Variants in TRAPPC12 observed in about 807,000 individuals in gnomAD.
The protein encoded by TRAPPC12 is trafficking protein particle complex subunit 12.
In TRAPPC12, 61 loss-of-function variants were observed where a neutral mutation model predicts 69.2. That is an observed-to-expected ratio of 0.88 (90% CI 0.72 to 1.09). The LOEUF is 1.09. Among genes scored for constraint, TRAPPC12 ranks in the 50% least tolerant of loss-of-function variants. TRAPPC12 has a pLI of 0.00. For missense variants in TRAPPC12, 1,101 were observed against 1,016.4 expected (o/e 1.08, Z -1.13); for synonymous variants, 469 against 438.9 (o/e 1.07, Z -0.86).
intron 1 of TRAPPC12, among the ~76,000 whole-genome samples, chr2:3,385,094 T>C (rs1046729863): frequency 1.3e-5 from 2 of 152,190 alleles, no homozygotes; most frequent in African/African-American, 4.8e-5. Context: ...ATAATTTATA[T>C]AGATGTAGCT....
At chr2:3,454,329 C>T (rs890688818) in intron 6 of TRAPPC12, among the ~76,000 whole-genome samples, 1 of 149,886 alleles carries the variant, frequency 6.7e-6, no homozygotes, top group Non-Finnish European at 1.5e-5. Flanking sequence ...GCCTTCCCAG[C>T]TGGGTAGGTG....
intron 6 of TRAPPC12, among the ~76,000 whole-genome samples, chr2:3,447,359 C>A (rs6758748): frequency 0.64 from 96,905 of 152,074 alleles, 31,278 homozygotes; most frequent in African/African-American, 0.75. Context: ...TGGCCTCCCA[C>A]AGTACTGGGA....
At chr2:3,407,136 A>T (rs931119271) in intron 3 of TRAPPC12, among the ~76,000 whole-genome samples, 3 of 152,218 alleles carry the variant, frequency 2.0e-5, no homozygotes, top group Non-Finnish European at 4.4e-5. Context: ...AGGGAAATGG[A>T]TGTCACAGCC....
At chr2:3,382,499 A>G (rs1365166374) in intron 1 of TRAPPC12, among the ~76,000 whole-genome samples, 1 of 152,218 alleles carries the variant, frequency 6.6e-6, no homozygotes, top group Non-Finnish European at 1.5e-5. Flanking sequence ...TCAGCATCAT[A>G]GCTTACACTG....
chr2:3,400,616 C>A (rs969280283), intron 2 of TRAPPC12, among the ~76,000 whole-genome samples: 1 of 152,214 alleles, frequency 6.6e-6, no homozygotes, highest in East Asian at 1.9e-4. Context: ...TCTCCTGCCG[C>A]CCGTGGAGAG....
intron 6 of TRAPPC12, 73 bp downstream of exon 6, chr2:3,443,964 G>T (rs923747837): frequency 1.7e-6 from 2 of 1,181,958 alleles, no homozygotes; most frequent in Non-Finnish European, 1.2e-6. Flanking sequence ...GGACATGCCC[G>T]TGCTGTTCCC....
At chr2:3,397,830 G>C (rs1332262628) in intron 2 of TRAPPC12, among the ~76,000 whole-genome samples, 2 of 152,144 alleles carry the variant, frequency 1.3e-5, no homozygotes, top group Admixed American at 6.5e-5. Context: ...AAGCATATTT[G>C]AGTACAGTCT....
At chr2:3,389,502 C>T (rs62120473) in intron 2 of TRAPPC12, among the ~76,000 whole-genome samples, 5 of 152,360 alleles carry the variant, frequency 3.3e-5, no homozygotes, top group African/African-American at 4.8e-5. Context: ...AACACCGTGG[C>T]GCCCGAAGAG....
chr2:3,436,977 A>C (rs1663835471), intron 5 of TRAPPC12, among the ~76,000 whole-genome samples: 1 of 62,158 alleles, frequency 1.6e-5, no homozygotes, highest in Non-Finnish European at 3.0e-5. Flanking sequence ...TCCCCCAATC[A>C]CCCCTGGATT....
chr2:3,399,178 A>G (rs893256749), intron 2 of TRAPPC12, among the ~76,000 whole-genome samples: 6 of 152,222 alleles, frequency 3.9e-5, no homozygotes, highest in African/African-American at 7.2e-5. Flanking sequence ...CTAAAATATT[A>G]ACTAACAGAG....
At chr2:3,452,254 A>G (rs1280335899) in intron 6 of TRAPPC12, among the ~76,000 whole-genome samples, 1 of 152,118 alleles carries the variant, frequency 6.6e-6, no homozygotes, top group Non-Finnish European at 1.5e-5. Flanking sequence ...TGCGTCTCAC[A>G]GCATAGCAGC....
chr2:3,445,258 G>A (rs1291055297), intron 6 of TRAPPC12, among the ~76,000 whole-genome samples: 1 of 152,156 alleles, frequency 6.6e-6, no homozygotes, highest in Admixed American at 6.5e-5. Flanking sequence ...AGGGGCTCAT[G>A]CCTGTAATCC....
rs1338767582 is a variant in TRAPPC12 at position 3,428,371 on chromosome 2, G to A, written c.1417+3708G>A. 2.0e-5 allele frequency among the ~76,000 whole-genome samples: 3 copies of A among 152,324 alleles called. No individual in the cohort carries two copies. In the East Asian group the frequency reaches 5.8e-4, roughly 29 times the overall value. ...TCTTCCCATTTTGTGGTGTAACAAA[G>A]CATAAATGTAAGATTTTGATTCATT... is the stretch of plus-strand genomic sequence containing the variant. On this transcript the variant is annotated intron_variant, in intron 5 of 11. Transcript: ENST00000324266.
At chr2:3,467,697 G>C (rs1039794619) in intron 9 of TRAPPC12, 1 of 152,262 alleles carries the variant, frequency 6.6e-6, no homozygotes, top group Admixed American at 6.5e-5. Flanking sequence ...GCACCGTTGT[G>C]ATCAGCAAGA....
chr2:3,457,277 G>C, intron 6 of TRAPPC12: 1 of 414,628 alleles, frequency 2.4e-6, no homozygotes, highest in African/African-American at 2.1e-5. Flanking sequence ...AAATAGACCA[G>C]AGACTACCAG....
chr2:3,451,997 A>G (rs970930658), intron 6 of TRAPPC12, among the ~76,000 whole-genome samples: 3 of 152,214 alleles, frequency 2.0e-5, no homozygotes, highest in African/African-American at 7.2e-5. Context: ...TCTGTGGGCT[A>G]AAACCACAGG....
chr2:3,445,530 C>G (rs1664459884), intron 6 of TRAPPC12, among the ~76,000 whole-genome samples: 1 of 152,248 alleles, frequency 6.6e-6, no homozygotes, highest in Admixed American at 6.5e-5. Flanking sequence ...ACCTGACAGA[C>G]ACCTTTGTTG....
At position 3,465,871 on chromosome 2, in the gene TRAPPC12, T is replaced by A. The variant is rs149823210; in HGVS notation, c.1776+176T>A. On this transcript the variant is annotated intron_variant, in intron 9 of 11. Coordinates refer to ENST00000324266, the MANE Select transcript of TRAPPC12 (RefSeq NM_016030.6). ...CTTTCCAGGAGTTCTGGTTTGACTG[T>A]GGGAGGCCCTGCTGGCTTTTGTGCC... is the stretch of plus-strand genomic sequence containing the variant. 1.6e-3 allele frequency: 986 copies of A among 601,124 alleles called. 10 individuals are homozygous for A. In the African/African-American group the frequency reaches 0.017, roughly 10 times the overall value. The allele number at this position is 601,124 out of a possible 1,614,324, so 37.2% of individuals were successfully genotyped here. A position where few individuals can be genotyped will look rare whatever the true frequency, so the allele number is the denominator to read the frequency against.
intron 3 of TRAPPC12, among the ~76,000 whole-genome samples, chr2:3,406,415 A>G: frequency 6.6e-6 from 1 of 152,208 alleles, no homozygotes. Flanking sequence ...AAGGTAAACA[A>G]GCATCCCTTG....
Sources: gnomAD v4.1 joint callset for allele counts (sites outside exome capture counted in the v4.1 genomes callset) on GRCh38, gnomAD v4.1.1 for gene constraint, MANE v1.5 for transcripts, NCBI Gene and HGNC (gene_info 2026-07-23, HGNC 2026-07-21) for gene names.